SNX25: variants seen among roughly 807,000 people sequenced by gnomAD.
SNX25 encodes sorting nexin-25.
In SNX25, 62 loss-of-function variants were observed where a neutral mutation model predicts 113.7. The observed-to-expected ratio is 0.55, with a 90% confidence interval of 0.44 to 0.67. The LOEUF (loss-of-function observed/expected upper bound fraction) is 0.67. Ranked by LOEUF, SNX25 falls within the 30% of genes least tolerant of loss-of-function variation. The pLI, the probability that SNX25 is intolerant of heterozygous loss-of-function variation, is 0.00. For missense variants in SNX25, 1,014 were observed against 1,161.0 expected (o/e 0.87, Z 1.84); for synonymous variants, 421 against 436.2 (o/e 0.97, Z 0.43).
chr4:185,220,286 T>TTTATTAGTA (rs1207691027), intron 1 of SNX25, among the ~76,000 whole-genome samples: 1 of 152,132 alleles, frequency 6.6e-6, no homozygotes, highest in Non-Finnish European at 1.5e-5. Flanking sequence ...TTCTTTAAAT[T>TTTATTAGTA]TTATTAGTAT....
intron 12 of SNX25, among the ~76,000 whole-genome samples, chr4:185,344,329 T>C (rs1362128950): frequency 6.6e-6 from 1 of 152,114 alleles, no homozygotes; most frequent in East Asian, 1.9e-4. Context: ...GAGTGTCAGA[T>C]GGTGTGATCT....
intron 9 of SNX25, among the ~76,000 whole-genome samples, chr4:185,329,949 C>T (rs1202374447): frequency 6.6e-6 from 1 of 152,102 alleles, no homozygotes; most frequent in Non-Finnish European, 1.5e-5. Flanking sequence ...GCTGCTGCTG[C>T]CCACTGCTTC....
chr4:185,300,762 A>G (rs984157750), intron 6 of SNX25, among the ~76,000 whole-genome samples: 1 of 151,628 alleles, frequency 6.6e-6, no homozygotes, highest in Non-Finnish European at 1.5e-5. Flanking sequence ...TACAAAGTGG[A>G]ACCTTTGGGA....
chr4:185,281,581 C>G (rs1193935588), intron 5 of SNX25, among the ~76,000 whole-genome samples: 7 of 152,130 alleles, frequency 4.6e-5, no homozygotes, highest in Non-Finnish European at 1.0e-4. Flanking sequence ...CCAGCAGTCC[C>G]TTTTAGTAGT....
intron 5 of SNX25, among the ~76,000 whole-genome samples, chr4:185,282,225 A>T (rs1579607119): frequency 6.6e-6 from 1 of 152,062 alleles, no homozygotes; most frequent in Non-Finnish European, 1.5e-5. Context: ...GCAACGGCGG[A>T]ATCTCAGCTC....
chr4:185,236,454 A>G (rs2126432263), intron 1 of SNX25, among the ~76,000 whole-genome samples: 1 of 152,278 alleles, frequency 6.6e-6, no homozygotes, highest in East Asian at 1.9e-4. Flanking sequence ...ATCCACCTAT[A>G]TATTTTATAG....
intron 1 of SNX25, among the ~76,000 whole-genome samples, chr4:185,219,974 G>A (rs565125819): frequency 4.1e-5 from 6 of 145,240 alleles, no homozygotes; most frequent in Middle Eastern, 3.6e-3. Context: ...AACTGCAACC[G>A]CTAGATAGCT....
intron 5 of SNX25, among the ~76,000 whole-genome samples, chr4:185,274,475 A>G (rs1194341182): frequency 6.6e-6 from 1 of 152,164 alleles, no homozygotes; most frequent in Non-Finnish European, 1.5e-5. Flanking sequence ...GCAGCCTTAG[A>G]CCTAGTTAAA....
intron 11 of SNX25, among the ~76,000 whole-genome samples, chr4:185,341,572 T>A (rs996936734): frequency 1.3e-5 from 2 of 152,216 alleles, no homozygotes; most frequent in Non-Finnish European, 2.9e-5. Context: ...AGTCAGTATG[T>A]TTCCCAGACT....
rs541263737 is a variant in SNX25, at chr4:185,240,783, G to C, written c.430-6511G>C. Among the ~76,000 whole-genome samples, 3 of 149,442 alleles carry C rather than the reference G, an allele frequency of 2.0e-5. No individual in the cohort carries two copies. In the South Asian group the frequency reaches 6.4e-4, roughly 32 times the overall value. On this transcript the variant is annotated intron_variant, in intron 1 of 18. Transcript: ENST00000652585. ...AGACGGAGTGGCTGCCGAGCGGAGG[G>C]GCTCCTCACTTCTCAGACGGGGCGG...
upstream of SNX25, among the ~76,000 whole-genome samples, chr4:185,208,066 T>C (rs147943393): frequency 6.9e-4 from 105 of 152,302 alleles, no homozygotes; most frequent in African/African-American, 2.5e-3. Flanking sequence ...ACAACTATTT[T>C]AGAGGCAAAA....
chr4:185,257,953 G>A (rs894640478), intron 2 of SNX25, among the ~76,000 whole-genome samples: 1 of 152,156 alleles, frequency 6.6e-6, no homozygotes, highest in African/African-American at 2.4e-5. Context: ...TAATTGAACA[G>A]AGAAAGTTAA....
At chr4:185,234,876 A>G (rs974623626) in intron 1 of SNX25, among the ~76,000 whole-genome samples, 2 of 152,242 alleles carry the variant, frequency 1.3e-5, no homozygotes, top group South Asian at 2.1e-4. Flanking sequence ...AGAGGTGGAC[A>G]TGTTCATCAT....
chr4:185,225,713 C>T (rs1012988695), intron 1 of SNX25, among the ~76,000 whole-genome samples: 2 of 152,132 alleles, frequency 1.3e-5, no homozygotes, highest in African/African-American at 4.8e-5. Context: ...GGTGTATTAA[C>T]TGCATTACGT....
chr4:185,328,397 C>T (rs1403515985), intron 9 of SNX25, among the ~76,000 whole-genome samples: 1 of 152,130 alleles, frequency 6.6e-6, no homozygotes, highest in African/African-American at 2.4e-5. Flanking sequence ...GAGCCCCAGG[C>T]CACCAGGTGT....
chr4:185,240,745 C>T (rs1244288756), intron 1 of SNX25, among the ~76,000 whole-genome samples: 1 of 151,884 alleles, frequency 6.6e-6, no homozygotes, highest in Non-Finnish European at 1.5e-5. Flanking sequence ...GGCGGAGACG[C>T]TCCTCACTTC....
intron 10 of SNX25, among the ~76,000 whole-genome samples, chr4:185,339,161 T>A (rs2095247525): frequency 6.6e-6 from 1 of 152,226 alleles, no homozygotes; most frequent in African/African-American, 2.4e-5. Context: ...TAGTTTTCAT[T>A]GTAGAATTAT....
At chr4:185,322,305 C>T (rs1317723330) in intron 8 of SNX25, among the ~76,000 whole-genome samples, 1 of 152,030 alleles carries the variant, frequency 6.6e-6, no homozygotes, top group African/African-American at 2.4e-5. Context: ...GTGATGTGGG[C>T]CTGTAATCCC....
chr4:185,308,113 A>G (rs998524056), intron 6 of SNX25, among the ~76,000 whole-genome samples: 11 of 152,186 alleles, frequency 7.2e-5, no homozygotes, highest in African/African-American at 2.7e-4. Context: ...AAACCAGTTC[A>G]GTTCTCTCTC....
Sources: gnomAD v4.1 joint callset for allele counts (sites outside exome capture counted in the v4.1 genomes callset) on GRCh38, gnomAD v4.1.1 for gene constraint, MANE v1.5 for transcripts, NCBI Gene and HGNC (gene_info 2026-07-23, HGNC 2026-07-21) for gene names.